ATP6V1H: variants seen among roughly 807,000 people sequenced by gnomAD.
ATP6V1H encodes the protein V-type proton ATPase subunit H.
In ATP6V1H, 39 loss-of-function variants were observed where a neutral mutation model predicts 71.7. That is an observed-to-expected ratio of 0.54 (90% CI 0.42 to 0.71). The LOEUF is 0.71. ATP6V1H is among the 30% of genes least tolerant of loss of function. ATP6V1H has a pLI of 0.00. For synonymous variants in ATP6V1H, 192 were observed against 199.3 expected (o/e 0.96, Z 0.31); for missense variants, 509 against 594.9 (o/e 0.86, Z 1.50).
At chr8:53,802,472 A>T (rs946862949) in intron 7 of ATP6V1H, among the ~76,000 whole-genome samples, 1 of 152,214 alleles carries the variant, frequency 6.6e-6, no homozygotes, top group African/African-American at 2.4e-5. Flanking sequence ...TAATCCTACC[A>T]CTTTGGGAGG....
At chr8:53,761,292 G>C (rs924097864) in intron 11 of ATP6V1H, among the ~76,000 whole-genome samples, 1 of 150,964 alleles carries the variant, frequency 6.6e-6, no homozygotes, top group African/African-American at 2.4e-5. Flanking sequence ...AGCCGAGATC[G>C]CGCCACTGCA....
At chr8:53,786,916 C>T (rs1389429470) in intron 9 of ATP6V1H, among the ~76,000 whole-genome samples, 4 of 152,152 alleles carry the variant, frequency 2.6e-5, no homozygotes, top group Admixed American at 6.5e-5. Flanking sequence ...GTGGTGAAGA[C>T]CAGTTTTGCT....
chr8:53,740,655 G>C lies in ATP6V1H; in HGVS notation c.1391+2922C>G, dbSNP rs550444670. 1.1e-4 allele frequency among the ~76,000 whole-genome samples: 16 copies of C among 152,256 alleles called. No homozygotes were observed. The South Asian group carries it at 3.1e-3, about 30-fold the overall frequency. On this transcript the variant is annotated intron_variant, in intron 13 of 13. Transcript: ENST00000359530. ...TACAAGATTCTTTAGAACACCAGCA[G>C]CATATTTTAGGTTAAAAAGCCCCTA...
intron 3 of ATP6V1H, among the ~76,000 whole-genome samples, chr8:53,831,040 A>G (rs1810989547): frequency 6.6e-6 from 1 of 152,234 alleles, no homozygotes; most frequent in Non-Finnish European, 1.5e-5. Flanking sequence ...TCAACAAACA[A>G]GCTGAGGAAA....
rs113626541 is a variant in ATP6V1H at position 53,832,972 on chromosome 8, T to C, written c.216+12A>G. 9.6e-4 allele frequency: 1,521 copies of C among 1,585,094 alleles called. 11 individuals are homozygous for C. In the African/African-American group the frequency reaches 0.017, roughly 18 times the overall value. Reference sequence around the variant, plus strand: ...ACGGGGAAGTGTTCATTATATAATGTTTATTCATCACCTGGCTGCCTTCAG... The same window carrying C: ...ACGGGGAAGTGTTCATTATATAATGCTTATTCATCACCTGGCTGCCTTCAG... On this transcript the variant is annotated intron_variant, in intron 3 of 13. Transcript: ENST00000359530.
At chr8:53,787,447 G>A (rs200878979) in intron 9 of ATP6V1H, among the ~76,000 whole-genome samples, 74 of 152,318 alleles carry the variant, frequency 4.9e-4, no homozygotes, top group South Asian at 2.3e-3. Context: ...ATGTACATGC[G>A]TGTGCATGTT....
In ATP6V1H at chr8:53,737,134, G is replaced by A. The variant is rs34659107; in HGVS notation, c.1391+6443C>T. Reference sequence around the variant, plus strand: ...TTCTCTCTCAGGGAGCTTGGTTTTCGGGACACAAGTCTGCCAAAGCTCCCA... The same window carrying A: ...TTCTCTCTCAGGGAGCTTGGTTTTCAGGACACAAGTCTGCCAAAGCTCCCA... On this transcript the variant is annotated intron_variant, in intron 13 of 13. Coordinates refer to ENST00000359530, the MANE Select transcript of ATP6V1H (RefSeq NM_015941.4). Among the ~76,000 whole-genome samples, 704 of 152,316 alleles carry A rather than the reference G, an allele frequency of 4.6e-3. 4 individuals are homozygous for A. The highest frequency in any genetic ancestry group is 0.017 in the Middle Eastern group (5 of 294).
chr8:53,766,223 A>C (rs1808458217), intron 11 of ATP6V1H, among the ~76,000 whole-genome samples: 1 of 152,186 alleles, frequency 6.6e-6, no homozygotes, highest in African/African-American at 2.4e-5. Flanking sequence ...TAGTTCCCCA[A>C]ATTAATACTT....
intron 13 of ATP6V1H, among the ~76,000 whole-genome samples, chr8:53,724,645 G>A (rs546107772): frequency 9.7e-4 from 136 of 139,658 alleles, no homozygotes; most frequent in African/African-American, 3.5e-3. Context: ...CCCCAGGGAC[G>A]GCAGTGCGCT....
intron 8 of ATP6V1H, among the ~76,000 whole-genome samples, chr8:53,798,382 G>A (rs1288473693): frequency 6.6e-6 from 1 of 152,008 alleles, no homozygotes; most frequent in Non-Finnish European, 1.5e-5. Flanking sequence ...AAATTAGCTG[G>A]GGGTAGTGAC....
At chr8:53,818,774 T>C (rs1810536800) in intron 4 of ATP6V1H, among the ~76,000 whole-genome samples, 1 of 152,192 alleles carries the variant, frequency 6.6e-6, no homozygotes, top group South Asian at 2.1e-4. Flanking sequence ...CCAAAAGCAT[T>C]TTGTTCAGAA....
At chr8:53,829,169 C>G (rs1468850828) in intron 4 of ATP6V1H, among the ~76,000 whole-genome samples, 1 of 152,188 alleles carries the variant, frequency 6.6e-6, no homozygotes, top group African/African-American at 2.4e-5. Context: ...GGTGATACAG[C>G]AAGCTTTGCT....
At chr8:53,817,096 T>C (rs1267063110) in intron 5 of ATP6V1H, among the ~76,000 whole-genome samples, 2 of 152,168 alleles carry the variant, frequency 1.3e-5, no homozygotes, top group Non-Finnish European at 2.9e-5. Context: ...GTTACTCCTA[T>C]GGGAACGGAC....
intron 8 of ATP6V1H, among the ~76,000 whole-genome samples, chr8:53,797,129 T>C (rs1203911696): frequency 6.6e-6 from 1 of 152,236 alleles, no homozygotes; most frequent in African/African-American, 2.4e-5. Flanking sequence ...CTGTTCCAGT[T>C]ATTAAGCCAA....
intron 9 of ATP6V1H, among the ~76,000 whole-genome samples, chr8:53,774,574 C>T (rs1585771740): frequency 6.6e-6 from 1 of 152,118 alleles, no homozygotes. Context: ...GACTCCACTT[C>T]CAGGAATGAT....
intron 4 of ATP6V1H, among the ~76,000 whole-genome samples, chr8:53,829,189 C>T (rs995235904): frequency 6.6e-6 from 1 of 152,138 alleles, no homozygotes; most frequent in African/African-American, 2.4e-5. Flanking sequence ...TGGCGTTCAA[C>T]AAAAAACTCT....
intron 9 of ATP6V1H, among the ~76,000 whole-genome samples, chr8:53,774,702 G>GAAA: frequency 6.8e-6 from 1 of 146,782 alleles, no homozygotes; most frequent in East Asian, 2.0e-4. Context: ...GTCTAGATAT[G>GAAA]AAAAAAAAAA....
chr8:53,809,635 G>A (rs1458450826), intron 7 of ATP6V1H, among the ~76,000 whole-genome samples: 1 of 152,156 alleles, frequency 6.6e-6, no homozygotes, highest in African/African-American at 2.4e-5. Context: ...AGCAAAATAA[G>A]GATGTCATGT....
intron 13 of ATP6V1H, among the ~76,000 whole-genome samples, chr8:53,725,505 G>A (rs749090871): frequency 3.3e-5 from 5 of 149,974 alleles, no homozygotes; most frequent in Non-Finnish European, 5.9e-5. Flanking sequence ...GTCTAAGCAC[G>A]CAGCAGTCTT....
Sources: gnomAD v4.1 joint callset for allele counts (sites outside exome capture counted in the v4.1 genomes callset) on GRCh38, gnomAD v4.1.1 for gene constraint, MANE v1.5 for transcripts, NCBI Gene and HGNC (gene_info 2026-07-23, HGNC 2026-07-21) for gene names.